CAMK2D: variants seen among roughly 807,000 people sequenced by gnomAD.
The protein encoded by CAMK2D is calcium/calmodulin dependent protein kinase II delta, also known as calcium/calmodulin-dependent protein kinase type II subunit delta.
In CAMK2D, 37 loss-of-function variants were observed where a neutral mutation model predicts 84.0. That is an observed-to-expected ratio of 0.44 (90% CI 0.34 to 0.58). The LOEUF (loss-of-function observed/expected upper bound fraction) is 0.58, where lower values mean the gene tolerates loss of function less well. CAMK2D is among the 20% of genes least tolerant of loss of function. CAMK2D has a pLI of 0.02. For missense variants in CAMK2D, 448 were observed against 652.5 expected (o/e 0.69, Z 3.41); for synonymous variants, 202 against 212.5 (o/e 0.95, Z 0.43).
chr4:113,563,705 G>C (rs1181358261), intron 4 of CAMK2D, among the ~76,000 whole-genome samples: 1 of 152,204 alleles, frequency 6.6e-6, no homozygotes, highest in African/African-American at 2.4e-5. Context: ...AGTGATGACA[G>C]AATACAATTA....
chr4:113,754,503 T>A, intron 2 of CAMK2D: 4 of 941,502 alleles, frequency 4.2e-6, no homozygotes, highest in Non-Finnish European at 5.1e-6. Flanking sequence ...TTATTCAACA[T>A]TTCAATGGAA....
At chr4:113,672,918 T>A (rs2099297727) in intron 2 of CAMK2D, among the ~76,000 whole-genome samples, 1 of 152,060 alleles carries the variant, frequency 6.6e-6, no homozygotes, top group Non-Finnish European at 1.5e-5. Context: ...TTAAAAAATA[T>A]AAAACAAATG....
At chr4:113,526,407 A>G (rs1396073328) in intron 8 of CAMK2D, among the ~76,000 whole-genome samples, 1 of 96,748 alleles carries the variant, frequency 1.0e-5, no homozygotes, top group East Asian at 2.9e-4. Flanking sequence ...CTAAGGAGTC[A>G]TTCTTGATGT....
At chr4:113,725,287 G>T (rs985989658) in intron 2 of CAMK2D, among the ~76,000 whole-genome samples, 11 of 152,104 alleles carry the variant, frequency 7.2e-5, no homozygotes, top group African/African-American at 2.4e-4. Flanking sequence ...ATTATGTAAA[G>T]ATACACAGTT....
chr4:113,559,018 A>T (rs1003546386), intron 4 of CAMK2D, among the ~76,000 whole-genome samples: 2 of 152,162 alleles, frequency 1.3e-5, no homozygotes, highest in African/African-American at 4.8e-5. Context: ...TATTAATTTA[A>T]AGAGGTAAAT....
At chr4:113,479,255 A>G (rs976015655) in intron 16 of CAMK2D, among the ~76,000 whole-genome samples, 2 of 152,204 alleles carry the variant, frequency 1.3e-5, no homozygotes, top group African/African-American at 4.8e-5. Context: ...TTTTAAATTC[A>G]CATTTTACTT....
At chr4:113,681,202 G>C (rs2099344801) in intron 2 of CAMK2D, among the ~76,000 whole-genome samples, 1 of 152,064 alleles carries the variant, frequency 6.6e-6, no homozygotes, top group African/African-American at 2.4e-5. Context: ...GTGTGATATG[G>C]TTTGGCTGTG....
At chr4:113,755,416 G>C (rs62313097) in intron 2 of CAMK2D, among the ~76,000 whole-genome samples, 20,401 of 151,776 alleles carry the variant, frequency 0.13, 1,491 homozygotes, top group Middle Eastern at 0.18. Flanking sequence ...CAATGGAGTA[G>C]AGGTAAAATA....
intron 2 of CAMK2D, among the ~76,000 whole-genome samples, chr4:113,687,479 T>G (rs2099363190): frequency 6.6e-6 from 1 of 152,176 alleles, no homozygotes; most frequent in Admixed American, 6.5e-5. Context: ...CCTAAATATC[T>G]GTTAGGCCTT....
At chr4:113,650,696 A>T (rs2154301342) in intron 3 of CAMK2D, among the ~76,000 whole-genome samples, 1 of 152,326 alleles carries the variant, frequency 6.6e-6, no homozygotes, top group Admixed American at 6.5e-5. Flanking sequence ...AATGAAAAAT[A>T]GATAAGACAA....
chr4:113,485,087 G>A (rs1589978965), intron 16 of CAMK2D, among the ~76,000 whole-genome samples: 1 of 152,274 alleles, frequency 6.6e-6, no homozygotes, highest in East Asian at 1.9e-4. Context: ...GTGGTTATAT[G>A]ATTTAACCTC....
intron 2 of CAMK2D, among the ~76,000 whole-genome samples, chr4:113,670,945 C>A (rs569386296): frequency 1.3e-5 from 2 of 151,974 alleles, no homozygotes; most frequent in African/African-American, 2.4e-5. Context: ...AAAAGATAAA[C>A]ACAATCCACC....
At chr4:113,758,371 G>T (rs1332070914) in intron 2 of CAMK2D, among the ~76,000 whole-genome samples, 1 of 152,106 alleles carries the variant, frequency 6.6e-6, no homozygotes, top group Non-Finnish European at 1.5e-5. Context: ...TCATGGCAGA[G>T]ACCGAAAGCA....
chr4:113,483,890 T>C (rs2097733430), intron 16 of CAMK2D, among the ~76,000 whole-genome samples: 1 of 152,136 alleles, frequency 6.6e-6, no homozygotes, highest in African/African-American at 2.4e-5. Flanking sequence ...CAATTTTTAT[T>C]TAAATGAAAA....
chr4:113,509,046 A>G (rs2098171599), intron 13 of CAMK2D, among the ~76,000 whole-genome samples: 2 of 152,168 alleles, frequency 1.3e-5, no homozygotes, highest in South Asian at 4.1e-4. Flanking sequence ...TTTTGTTTAG[A>G]AAGCCAGAAA....
chr4:113,546,323 A>G (rs2098571288), intron 6 of CAMK2D, among the ~76,000 whole-genome samples: 1 of 152,230 alleles, frequency 6.6e-6, no homozygotes, highest in Non-Finnish European at 1.5e-5. Context: ...TGAATTTTCA[A>G]AGAAACACAC....
rs779226375 is a variant in CAMK2D, at chr4:113,639,080, C to CAAAAA, written c.220+22628_220+22632dup. 5.2e-3 allele frequency among the ~76,000 whole-genome samples: 663 copies of CAAAAA among 127,302 alleles called. 8 individuals carry two copies. Among genetic ancestry groups the CAAAAA allele is most frequent in the African/African-American group, 0.018 (638 of 35,246 alleles). 83.5% of individuals were successfully genotyped at this position (127,302 alleles called of 152,430 possible). ...CAACATAGCGAAACTTTGCCTCTAC[C>CAAAAA]AAAAAAAAAAAAAAAATAGCCCGGT... is the stretch of plus-strand genomic sequence containing the variant. On this transcript the variant is annotated intron_variant, in intron 3 of 20. Coordinates refer to ENST00000511664, the MANE Select transcript of CAMK2D (RefSeq NM_001321571.2).
intron 19 of CAMK2D, 73 bp downstream of exon 19, chr4:113,457,262 T>C (rs2097314346): frequency 6.3e-7 from 1 of 1,576,608 alleles, no homozygotes; most frequent in Non-Finnish European, 8.6e-7. Flanking sequence ...ACCATGCTAT[T>C]AACAATGGAA....
At chr4:113,642,273 G>C (rs2099135252) in intron 3 of CAMK2D, among the ~76,000 whole-genome samples, 1 of 152,160 alleles carries the variant, frequency 6.6e-6, no homozygotes, top group African/African-American at 2.4e-5. Context: ...GACTTCCCTG[G>C]ATATAGGAAT....
Sources: gnomAD v4.1 joint callset for allele counts (sites outside exome capture counted in the v4.1 genomes callset) on GRCh38, gnomAD v4.1.1 for gene constraint, MANE v1.5 for transcripts, NCBI Gene and HGNC (gene_info 2026-07-23, HGNC 2026-07-21) for gene names.